DOCK2: variants seen among roughly 807,000 people sequenced by gnomAD.
The protein encoded by DOCK2 is dedicator of cytokinesis protein 2.
A neutral mutation model predicts 248.9 loss-of-function variants in DOCK2; 87 were observed. That is an observed-to-expected ratio of 0.35 (90% CI 0.29 to 0.42). The LOEUF (loss-of-function observed/expected upper bound fraction) is 0.42. Among genes scored for constraint, DOCK2 ranks in the 10% least tolerant of loss-of-function variants. DOCK2 has a pLI of 1.00. For synonymous variants in DOCK2, 805 were observed against 821.6 expected, an observed-to-expected ratio of 0.98 and a Z score of 0.35; for missense variants, 1,747 against 2,300.2, an observed-to-expected ratio of 0.76 and a Z score of 4.92.
intron 15 of DOCK2, 67 bp from the exon 16 acceptor site, chr5:169,711,868 G>T (rs774605563): frequency 4.1e-5 from 64 of 1,563,578 alleles, no homozygotes; most frequent in Non-Finnish European, 5.5e-5. Context: ...GTGGAAGTGT[G>T]TAGGGGGGTG....
At chr5:169,648,637 T>A (rs264876) in intron 1 of DOCK2, among the ~76,000 whole-genome samples, 68,090 of 151,970 alleles carry the variant, frequency 0.45, 15,678 homozygotes, top group East Asian at 0.53. Context: ...GCCCCTTCTT[T>A]GCTGTGTTCA....
chr5:169,884,806 G>A (rs992951961), intron 27 of DOCK2: 2 of 152,294 alleles, frequency 1.3e-5, no homozygotes, highest in Non-Finnish European at 2.9e-5. Context: ...CTGCAAGCAG[G>A]CGAGGAGCAC....
chr5:169,737,846 A>G (rs1207414832), intron 22 of DOCK2, among the ~76,000 whole-genome samples: 1 of 152,216 alleles, frequency 6.6e-6, no homozygotes, highest in Non-Finnish European at 1.5e-5. Context: ...TATATCAAAT[A>G]GGTAAATGTG....
intron 42 of DOCK2, 101 bp downstream of exon 42, chr5:170,055,487 C>G: frequency 9.3e-7 from 1 of 1,075,490 alleles, no homozygotes; most frequent in South Asian, 1.4e-5. Flanking sequence ...CTTTCTAGTT[C>G]CTTCTCTATC....
In DOCK2 at chr5:170,069,196, C is replaced by T; in HGVS notation, c.4704C>T (p.His1568=). The change falls in exon 46 of 52, where the codon CAC becomes CAT. Residue 1568 remains histidine, a synonymous_variant. Transcript: ENST00000520908. ...CTGAGGACCAGGACAAGCTGACCCA[C>T]CTCAAGGACCTGATTGCATGGCAGG... The part of the protein sequence containing the change: ...DHPEDQDKLT[H]LKDLIAWQIP... The T allele has an allele frequency of 6.2e-7, 1 of 1,614,120 alleles. No individual in the cohort carries two copies. Among genetic ancestry groups the T allele is most frequent in the Non-Finnish European group, 8.5e-7 (1 of 1,179,988 alleles).
chr5:170,045,761 C>A (rs6884561), intron 38 of DOCK2, 55 bp from the exon 39 acceptor site: 2 of 1,549,208 alleles, frequency 1.3e-6, no homozygotes, highest in Non-Finnish European at 1.8e-6. Context: ...CCTCAGCAAG[C>A]GCTCTGCAAA....
intron 25 of DOCK2, among the ~76,000 whole-genome samples, chr5:169,776,160 T>TA (rs1266431118): frequency 1.4e-5 from 2 of 145,358 alleles, no homozygotes; most frequent in African/African-American, 5.0e-5. Context: ...TATATAAATA[T>TA]ATATATTTAT....
intron 27 of DOCK2, among the ~76,000 whole-genome samples, chr5:169,926,101 G>A (rs569839943): frequency 1.3e-5 from 2 of 152,248 alleles, no homozygotes; most frequent in South Asian, 4.1e-4. Flanking sequence ...GAGACAAGTG[G>A]GATGCTGTGG....
chr5:169,785,270 T>G (rs1394781976), intron 25 of DOCK2, among the ~76,000 whole-genome samples: 1 of 152,232 alleles, frequency 6.6e-6, no homozygotes, highest in African/African-American at 2.4e-5. Context: ...GTTTCATTTT[T>G]CAGGAACTGA....
chr5:169,937,682 T>G (rs765579532), intron 27 of DOCK2, among the ~76,000 whole-genome samples: 68 of 152,340 alleles, frequency 4.5e-4, no homozygotes, highest in Non-Finnish European at 1.5e-4. Flanking sequence ...TTTATTATTA[T>G]TTTGTCTATT....
At chr5:169,877,300 T>G (rs1330407999) in intron 27 of DOCK2, among the ~76,000 whole-genome samples, 2 of 152,172 alleles carry the variant, frequency 1.3e-5, no homozygotes, top group Non-Finnish European at 2.9e-5. Context: ...CAGGTGCAAG[T>G]TAGCAATCTG....
chr5:169,857,237 T>A (rs1182003525), intron 27 of DOCK2, among the ~76,000 whole-genome samples: 1 of 152,238 alleles, frequency 6.6e-6, no homozygotes, highest in Non-Finnish European at 1.5e-5. Flanking sequence ...TGCTTTAATT[T>A]CAAAAGTCAT....
At chr5:169,646,930 C>A (rs1252603192) in intron 1 of DOCK2, among the ~76,000 whole-genome samples, 1 of 152,210 alleles carries the variant, frequency 6.6e-6, no homozygotes, top group Non-Finnish European at 1.5e-5. Flanking sequence ...GTAAGCCTGT[C>A]CTGAGTGATG....
intron 23 of DOCK2, among the ~76,000 whole-genome samples, chr5:169,757,413 A>G (rs1226617147): frequency 3.9e-5 from 6 of 152,202 alleles, no homozygotes; most frequent in African/African-American, 1.4e-4. Context: ...GCTTTCCAAA[A>G]TTCTTTGATT....
At chr5:169,693,689 G>A (rs73316276) in intron 9 of DOCK2, among the ~76,000 whole-genome samples, 1,616 of 152,250 alleles carry the variant, frequency 0.011, 33 homozygotes, top group African/African-American at 0.037. Flanking sequence ...CTGAAAAGCA[G>A]ATGTCCATTC....
chr5:169,777,218 G>C (rs1432413482), intron 25 of DOCK2, among the ~76,000 whole-genome samples: 1 of 152,196 alleles, frequency 6.6e-6, no homozygotes, highest in African/African-American at 2.4e-5. Context: ...GATAGACTCA[G>C]CATGGAGCAG....
intron 46 of DOCK2, among the ~76,000 whole-genome samples, chr5:170,072,121 A>G (rs183452504): frequency 1.3e-5 from 2 of 152,206 alleles, no homozygotes; most frequent in Non-Finnish European, 2.9e-5. Flanking sequence ...ACATATGCAA[A>G]ATTTTTGTTG....
At chr5:169,751,517 C>A (rs2113703725) in intron 23 of DOCK2, among the ~76,000 whole-genome samples, 1 of 152,304 alleles carries the variant, frequency 6.6e-6, no homozygotes, top group Middle Eastern at 3.4e-3. Context: ...AAACTTTTCA[C>A]ATCCAGCTGG....
At chr5:169,926,394 A>G (rs1775458102) in intron 27 of DOCK2, among the ~76,000 whole-genome samples, 1 of 152,222 alleles carries the variant, frequency 6.6e-6, no homozygotes, top group Non-Finnish European at 1.5e-5. Flanking sequence ...TGCCATATAC[A>G]TGCTGGCATT....
Sources: allele counts gnomAD v4.1 joint callset (sites outside exome capture counted in the v4.1 genomes callset), GRCh38; gene constraint gnomAD v4.1.1; transcripts MANE v1.5; gene names NCBI Gene and HGNC (gene_info 2026-07-23, HGNC 2026-07-21).